PPP4R4: variants seen among roughly 807,000 people sequenced by gnomAD.
The protein encoded by PPP4R4 is serine/threonine-protein phosphatase 4 regulatory subunit 4.
A neutral mutation model predicts 121.8 loss-of-function variants in PPP4R4; 70 were observed. That is an observed-to-expected ratio of 0.57 (90% CI 0.47 to 0.70). The LOEUF is 0.70. Ranked by LOEUF, PPP4R4 falls within the 30% of genes least tolerant of loss-of-function variation. The pLI is 0.00. For missense variants in PPP4R4, 875 were observed against 1,033.6 expected, an observed-to-expected ratio of 0.85 and a Z score of 2.10; for synonymous variants, 348 against 355.7, an observed-to-expected ratio of 0.98 and a Z score of 0.24.
intron 11 of PPP4R4, among the ~76,000 whole-genome samples, chr14:94,244,434 C>T (rs974961888): frequency 3.3e-5 from 5 of 152,176 alleles, no homozygotes; most frequent in Admixed American, 3.3e-4. Flanking sequence ...TGTGTCTGCA[C>T]ATTCCAGCAT....
In PPP4R4 at chr14:94,211,891, A is replaced by G. The variant is rs114405919; in HGVS notation, c.294+3325A>G. Among the ~76,000 whole-genome samples the G allele has an allele frequency of 4.5e-3, 684 of 152,330 alleles. 10 individuals are homozygous for G. Among genetic ancestry groups the G allele is most frequent in the African/African-American group, 0.016 (662 of 41,584 alleles). ...TTCCAGATTTCTGGCTTGACCATGC[A>G]TATGGTTCTGCTGGTTTTCAGTTAT... On this transcript the variant is annotated intron_variant, in intron 3 of 24. Transcript: ENST00000304338.
chr14:94,200,740 C>T (rs1890127630), intron 2 of PPP4R4, among the ~76,000 whole-genome samples: 2 of 151,290 alleles, frequency 1.3e-5, no homozygotes, highest in South Asian at 4.2e-4. Context: ...GTTAATCTCG[C>T]TAGTGGTCTA....
At chr14:94,275,122 G>A (rs1894562202) in intron 23 of PPP4R4, among the ~76,000 whole-genome samples, 1 of 152,136 alleles carries the variant, frequency 6.6e-6, no homozygotes, top group Non-Finnish European at 1.5e-5. Context: ...GAGGGAGGAG[G>A]AGGATTGTGA....
chr14:94,182,137 A>G (rs187324213), intron 2 of PPP4R4, among the ~76,000 whole-genome samples: 1 of 152,220 alleles, frequency 6.6e-6, no homozygotes, highest in Admixed American at 6.5e-5. Context: ...TTCATTCTTG[A>G]TATTCCTCTC....
intron 3 of PPP4R4, chr14:94,227,711 GA>G: frequency 9.9e-7 from 1 of 1,013,996 alleles, no homozygotes; most frequent in Non-Finnish European, 1.2e-6. Context: ...ATGACTTTAA[GA>G]GGGGGCAGAA....
intron 2 of PPP4R4, among the ~76,000 whole-genome samples, chr14:94,206,549 G>A (rs1340941668): frequency 2.6e-5 from 4 of 151,556 alleles, no homozygotes; most frequent in African/African-American, 9.7e-5. Context: ...TTGCCTTCCT[G>A]TGAAAAGTTT....
At chr14:94,202,774 C>T (rs144948935) in intron 2 of PPP4R4, among the ~76,000 whole-genome samples, 1,688 of 151,964 alleles carry the variant, frequency 0.011, 34 homozygotes, top group African/African-American at 0.038. Flanking sequence ...GTCAAGAGAT[C>T]GAGACCATCC....
intron 16 of PPP4R4, 66 bp downstream of exon 16, chr14:94,251,962 G>A: frequency 1.5e-6 from 2 of 1,355,732 alleles, no homozygotes; most frequent in Non-Finnish European, 1.0e-6. Context: ...GTGAACATAT[G>A]CAAAATCTTT....
At chr14:94,233,387 C>T (rs1892158086) in intron 5 of PPP4R4, among the ~76,000 whole-genome samples, 1 of 152,134 alleles carries the variant, frequency 6.6e-6, no homozygotes, top group Non-Finnish European at 1.5e-5. Context: ...CTACTTTTAT[C>T]TGTGCATACA....
chr14:94,249,355 T>C (rs1327268426), intron 14 of PPP4R4, among the ~76,000 whole-genome samples: 1 of 152,032 alleles, frequency 6.6e-6, no homozygotes, highest in South Asian at 2.1e-4. Flanking sequence ...GAATAGCTCA[T>C]ATAAAATATG....
At chr14:94,194,411 C>T (rs1224986074) in intron 2 of PPP4R4, among the ~76,000 whole-genome samples, 1 of 152,158 alleles carries the variant, frequency 6.6e-6, no homozygotes, top group Admixed American at 6.5e-5. Flanking sequence ...TGATTGTTTC[C>T]TGTGCCGGCT....
intron 19 of PPP4R4, among the ~76,000 whole-genome samples, chr14:94,261,525 A>G (rs1054924800): frequency 6.6e-6 from 1 of 152,028 alleles, no homozygotes; most frequent in Non-Finnish European, 1.5e-5. Flanking sequence ...AAATACAGCA[A>G]TATTACTTCT....
In PPP4R4 at chr14:94,278,710, T is replaced by C. The variant is rs1894775463; in HGVS notation, c.*67T>C. ...GATAATGTGATTGGTACACAAAAGCTAAAGCAGTGGCTGGGGCTTTGTTTT... is the reference window on the plus strand; with the variant it reads ...GATAATGTGATTGGTACACAAAAGCCAAAGCAGTGGCTGGGGCTTTGTTTT... On this transcript the variant is annotated 3_prime_UTR_variant, in exon 25 of 25. Coordinates refer to ENST00000304338, the MANE Select transcript of PPP4R4 (RefSeq NM_058237.2). 4 of 1,426,646 alleles carry C rather than the reference T, an allele frequency of 2.8e-6. No homozygotes were observed. In the South Asian group the frequency reaches 6.2e-5, roughly 22 times the overall value. 88.4% of individuals were successfully genotyped at this position (1,426,646 alleles called of 1,614,324 possible).
At chr14:94,276,344 C>T (rs28413717) in intron 24 of PPP4R4, among the ~76,000 whole-genome samples, 15,486 of 152,218 alleles carry the variant, frequency 0.1, 869 homozygotes, top group Middle Eastern at 0.16. Flanking sequence ...CTTTTAGGAT[C>T]TGATTTAGGC....
chr14:94,259,707 A>G (rs933536642), intron 19 of PPP4R4, among the ~76,000 whole-genome samples: 1 of 152,214 alleles, frequency 6.6e-6, no homozygotes, highest in African/African-American at 2.4e-5. Flanking sequence ...TTTGTAATCC[A>G]TGTCTTCTAC....
intron 18 of PPP4R4, 102 bp from the exon 19 acceptor site, chr14:94,259,193 G>A (rs1893638718): frequency 6.7e-7 from 1 of 1,493,304 alleles, no homozygotes; most frequent in South Asian, 1.3e-5. Context: ...ATTTGGATGG[G>A]GACACAGAGT....
At chr14:94,188,109 G>C (rs916830355) in intron 2 of PPP4R4, among the ~76,000 whole-genome samples, 18 of 152,002 alleles carry the variant, frequency 1.2e-4, no homozygotes, top group African/African-American at 4.1e-4. Flanking sequence ...ATTAGGTTAA[G>C]TTTCCTCTAT....
chr14:94,201,450 C>T, intron 2 of PPP4R4, among the ~76,000 whole-genome samples: 1 of 152,044 alleles, frequency 6.6e-6, no homozygotes, highest in Non-Finnish European at 1.5e-5. Flanking sequence ...TATTATTGTG[C>T]TGCTGTCTTA....
chr14:94,255,741 C>G (rs1442792862), intron 16 of PPP4R4, among the ~76,000 whole-genome samples: 1 of 152,166 alleles, frequency 6.6e-6, no homozygotes, highest in Non-Finnish European at 1.5e-5. Context: ...CTGTTCTTGA[C>G]TAGCTGCAGT....
Sources: gnomAD v4.1 joint callset for allele counts (sites outside exome capture counted in the v4.1 genomes callset) on GRCh38, gnomAD v4.1.1 for gene constraint, MANE v1.5 for transcripts, NCBI Gene and HGNC (gene_info 2026-07-23, HGNC 2026-07-21) for gene names.